Variants in CLNK observed in about 807,000 individuals in gnomAD.
The protein encoded by CLNK is cytokine dependent hematopoietic cell linker.
In CLNK, 74 loss-of-function variants were observed where a neutral mutation model predicts 68.6. The observed-to-expected ratio is 1.08, with a 90% CI of 0.89 to 1.31. CLNK has a LOEUF of 1.31. CLNK is among the 50% of genes most tolerant of loss of function. The pLI is 0.00. For missense variants in CLNK, 553 were observed against 515.3 expected, an observed-to-expected ratio of 1.07 and a Z score of -0.71; for synonymous variants, 198 against 172.2, an observed-to-expected ratio of 1.15 and a Z score of -1.17.
intron 2 of CLNK, among the ~76,000 whole-genome samples, chr4:10,623,063 G>A (rs1025418263): frequency 6.6e-6 from 1 of 152,048 alleles, no homozygotes; most frequent in Non-Finnish European, 1.5e-5. Flanking sequence ...CAATTTGGGG[G>A]AAACACTAAT....
At chr4:10,589,811 T>G (rs1234551157) in intron 3 of CLNK, among the ~76,000 whole-genome samples, 1 of 152,214 alleles carries the variant, frequency 6.6e-6, no homozygotes, top group East Asian at 1.9e-4. Flanking sequence ...AAGGAACTGC[T>G]AGCAAACTTC....
chr4:10,674,488 C>A (rs1724793841), intron 1 of CLNK, among the ~76,000 whole-genome samples: 1 of 152,198 alleles, frequency 6.6e-6, no homozygotes, highest in Non-Finnish European at 1.5e-5. Flanking sequence ...GAACTCTGTG[C>A]TTTCATTTCA....
intron 15 of CLNK, among the ~76,000 whole-genome samples, chr4:10,516,146 G>C (rs1284513382): frequency 6.6e-6 from 1 of 151,974 alleles, no homozygotes; most frequent in Non-Finnish European, 1.5e-5. Context: ...GAATGTTTTG[G>C]TAATTTTAAG....
chr4:10,577,570 C>T (rs6852472), intron 4 of CLNK, among the ~76,000 whole-genome samples: 147,266 of 152,276 alleles, frequency 0.97, 71,404 homozygotes, highest in East Asian at 1. Flanking sequence ...CCAGGATACT[C>T]CCTGAAGTTG....
intron 1 of CLNK, among the ~76,000 whole-genome samples, chr4:10,682,106 A>T (rs1432203040): frequency 7.1e-6 from 1 of 140,236 alleles, no homozygotes; most frequent in Non-Finnish European, 1.5e-5. Context: ...TGATAGCTCT[A>T]TTCCACAATT....
chr4:10,507,918 C>T, intron 17 of CLNK, 41 bp downstream of exon 17: 3 of 1,439,060 alleles, frequency 2.1e-6, no homozygotes, highest in Non-Finnish European at 1.9e-6. Flanking sequence ...CCTTAAGATG[C>T]CTATAGAAAC....
At chr4:10,535,753 C>G (rs1251383796) in intron 11 of CLNK, among the ~76,000 whole-genome samples, 1 of 152,044 alleles carries the variant, frequency 6.6e-6, no homozygotes, top group Admixed American at 6.6e-5. Flanking sequence ...TTCCCCAGAG[C>G]TCAAAGTTTT....
At chr4:10,679,500 C>A (rs999039486) in intron 1 of CLNK, among the ~76,000 whole-genome samples, 51 of 152,076 alleles carry the variant, frequency 3.4e-4, no homozygotes, top group African/African-American at 1.1e-3. Flanking sequence ...GCAACAAAAG[C>A]CAAAATTGAC....
At chr4:10,657,257 T>A (rs542659891) in intron 2 of CLNK, among the ~76,000 whole-genome samples, 7 of 152,288 alleles carry the variant, frequency 4.6e-5, no homozygotes. Flanking sequence ...TATAATGATA[T>A]AAACTAAAGA....
intron 2 of CLNK, among the ~76,000 whole-genome samples, chr4:10,644,084 G>A (rs529439265): frequency 1.6e-4 from 24 of 152,360 alleles, no homozygotes; most frequent in Non-Finnish European, 4.4e-5. Flanking sequence ...GGAATGTCAG[G>A]AAGCTGAGTA....
intron 2 of CLNK, among the ~76,000 whole-genome samples, chr4:10,600,467 T>A (rs1289747110): frequency 6.6e-6 from 1 of 152,184 alleles, no homozygotes; most frequent in African/African-American, 2.4e-5. Flanking sequence ...TTTTAGTGTA[T>A]TTAGGGAGCC....
chr4:10,621,523 A>G (rs993551432), intron 2 of CLNK, among the ~76,000 whole-genome samples: 12 of 152,208 alleles, frequency 7.9e-5, no homozygotes, highest in Non-Finnish European at 1.8e-4. Context: ...GAAATGTGAC[A>G]TGTGTCTGAA....
At position 10,610,217 on chromosome 4, in the gene CLNK, C is replaced by A. The variant is rs369202616; in HGVS notation, c.12-12168G>T. Among the ~76,000 whole-genome samples the A allele has an allele frequency of 1.7e-4, 26 of 150,660 alleles. 1 individual carries two copies. In the South Asian group the frequency reaches 3.8e-3, roughly 22 times the overall value. On this transcript the variant is annotated intron_variant, in intron 2 of 18. Coordinates refer to ENST00000226951, the MANE Select transcript of CLNK (RefSeq NM_052964.4). ...GACTACAGGCGCCCGCCACTGCGCC[C>A]GGCTAATTTTTTGTATTTTTAGTAG... is the stretch of plus-strand genomic sequence containing the variant.
upstream of CLNK, among the ~76,000 whole-genome samples, chr4:10,687,178 T>A (rs530603423): frequency 6.7e-6 from 1 of 149,236 alleles, no homozygotes; most frequent in South Asian, 2.2e-4. Flanking sequence ...TATCAGCCAC[T>A]GGGCAAGCTG....
rs1718971530 is a variant in CLNK, at chr4:10,540,544, C to T, written c.552G>A (p.Arg184=). 3 of 1,613,884 alleles carry T rather than the reference C, an allele frequency of 1.9e-6. No individual in the cohort carries two copies. The highest frequency in any genetic ancestry group is 2.7e-5 in the African/African-American group (2 of 75,016). The change falls in exon 11 of 19, where the codon AGG becomes AGA. Residue 184 remains arginine (R), a synonymous_variant. Coordinates refer to ENST00000226951, the MANE Select transcript of CLNK (RefSeq NM_052964.4). ...QPLPPEPESS[R]PPLSQRHTFP... is the part of the protein sequence containing the mutation. ...AGGTGTGTCTCTGAGATAAAGGTGGCCTGCTGCTCTCCGGCTCAGGGGGCA... is the reference window on the plus strand; with the variant it reads ...AGGTGTGTCTCTGAGATAAAGGTGGTCTGCTGCTCTCCGGCTCAGGGGGCA...
At chr4:10,499,272 G>A (rs1716938220) in intron 18 of CLNK, among the ~76,000 whole-genome samples, 1 of 152,324 alleles carries the variant, frequency 6.6e-6, no homozygotes, top group Admixed American at 6.5e-5. Flanking sequence ...CAGGAATAAA[G>A]GCTCTCGTGC....
chr4:10,695,421 T>C, the CLNK span, among the ~76,000 whole-genome samples: 1 of 152,180 alleles, frequency 6.6e-6, no homozygotes, highest in African/African-American at 2.4e-5. Flanking sequence ...CTGTGAAAGC[T>C]TGAATGTTAT....
chr4:10,620,086 C>A (rs1172676648), intron 2 of CLNK, among the ~76,000 whole-genome samples: 2 of 152,158 alleles, frequency 1.3e-5, no homozygotes, highest in Admixed American at 6.5e-5. Flanking sequence ...GTGAGAAATT[C>A]TGCGCATCAA....
chr4:10,509,506 A>G (rs1577095163), intron 16 of CLNK, among the ~76,000 whole-genome samples: 1 of 148,028 alleles, frequency 6.8e-6, no homozygotes, highest in African/African-American at 2.5e-5. Flanking sequence ...TTGCATCAAG[A>G]TTGGGACCAA....
Sources: allele counts gnomAD v4.1 joint callset (sites outside exome capture counted in the v4.1 genomes callset), GRCh38; gene constraint gnomAD v4.1.1; transcripts MANE v1.5; gene names NCBI Gene and HGNC (gene_info 2026-07-23, HGNC 2026-07-21).